The following PPP1R8 variants were observed in gnomAD, a reference collection of about 807,000 sequenced individuals.
PPP1R8 encodes nuclear inhibitor of protein phosphatase 1.
A neutral mutation model predicts 31.3 loss-of-function variants in PPP1R8; 4 were observed. The observed-to-expected ratio is 0.13, with a 90% confidence interval of 0.06 to 0.29. PPP1R8 has a LOEUF of 0.29. Ranked by LOEUF, PPP1R8 falls within the 10% of genes least tolerant of loss-of-function variation. The pLI is 1.00. For synonymous variants in PPP1R8, 170 were observed against 169.7 expected, an observed-to-expected ratio of 1.00 and a Z score of -0.01; for missense variants, 254 against 440.1, an observed-to-expected ratio of 0.58 and a Z score of 3.78.
At chr1:27,848,387 A>G (rs912149706) in intron 6 of PPP1R8, among the ~76,000 whole-genome samples, 1 of 152,174 alleles carries the variant, frequency 6.6e-6, no homozygotes, top group African/African-American at 2.4e-5. Context: ...CCTGGTCGTC[A>G]GCGAGACTCC....
chr1:27,846,104 C>A (rs1055743580), intron 5 of PPP1R8, among the ~76,000 whole-genome samples: 5 of 152,058 alleles, frequency 3.3e-5, no homozygotes, highest in Non-Finnish European at 7.4e-5. Flanking sequence ...GTGTTTCTTT[C>A]AATAACAAGC....
At chr1:27,844,254 C>G (rs965376327) in intron 5 of PPP1R8, among the ~76,000 whole-genome samples, 5 of 152,220 alleles carry the variant, frequency 3.3e-5, no homozygotes, top group Admixed American at 3.3e-4. Flanking sequence ...CCTCCTGCCT[C>G]AGTCTCCCAA....
intron 5 of PPP1R8, among the ~76,000 whole-genome samples, chr1:27,844,732 CAG>C (rs1401005866): frequency 1.1e-5 from 1 of 94,340 alleles, no homozygotes; most frequent in African/African-American, 4.8e-5. Context: ...TTTTTTGAGA[CAG>C]AGTCTCGCTC....
At position 27,845,479 on chromosome 1, in the gene PPP1R8, A is replaced by G. The variant is rs573206214; in HGVS notation, c.638-1549A>G. Among the ~76,000 whole-genome samples the G allele has an allele frequency of 2.0e-5, 3 of 152,086 alleles. No individual in the cohort carries two copies. In the East Asian group the frequency reaches 5.8e-4, roughly 30 times the overall value. On this transcript the variant is annotated intron_variant, in intron 5 of 6. Coordinates refer to ENST00000311772, the MANE Select transcript of PPP1R8 (RefSeq NM_014110.5). Reference sequence around the variant, plus strand: ...AGTATAGCATAGTGGTTAAGAGCACAGGCTCTGAAACCGGAGGGGCCATGA... The same window carrying G: ...AGTATAGCATAGTGGTTAAGAGCACGGGCTCTGAAACCGGAGGGGCCATGA...
chr1:27,839,060 G>C (rs2089197593), intron 3 of PPP1R8, among the ~76,000 whole-genome samples: 2 of 152,122 alleles, frequency 1.3e-5, no homozygotes, highest in Non-Finnish European at 2.9e-5. Flanking sequence ...CACTGTCCTG[G>C]AGGAATCAAT....
intron 6 of PPP1R8, among the ~76,000 whole-genome samples, chr1:27,848,640 G>A (rs527624332): frequency 3.6e-4 from 55 of 152,288 alleles, no homozygotes; most frequent in African/African-American, 1.3e-3. Context: ...ATTAGACTAA[G>A]TAAGATCTGT....
At chr1:27,847,304 C>T (rs1189676282) in intron 6 of PPP1R8, among the ~76,000 whole-genome samples, 1 of 151,990 alleles carries the variant, frequency 6.6e-6, no homozygotes, top group African/African-American at 2.4e-5. Flanking sequence ...GTCAGGAGTT[C>T]GAGACCAACC....
chr1:27,851,295 G>C lies in PPP1R8; in HGVS notation c.*849G>C, dbSNP rs1057158387. ...GTTTGGAAGTAACTGGTGTCTCTAA[G>C]AGGAATTTTTAGATGTCAGTTTGGA... On this transcript the variant is annotated 3_prime_UTR_variant, in exon 7 of 7. Transcript: ENST00000311772. The C allele has an allele frequency of 3.1e-6, 1 of 323,400 alleles. No homozygotes were observed. Among genetic ancestry groups the C allele is most frequent in the Non-Finnish European group, 6.2e-6 (1 of 162,532 alleles). The allele number at this position is 323,400 out of a possible 1,614,324, so 20.0% of individuals were successfully genotyped here. A position where few individuals can be genotyped will look rare whatever the true frequency, so the allele number is the denominator to read the frequency against.
At chr1:27,848,380 G>A (rs2089306788) in intron 6 of PPP1R8, among the ~76,000 whole-genome samples, 1 of 152,138 alleles carries the variant, frequency 6.6e-6, no homozygotes, top group Non-Finnish European at 1.5e-5. Context: ...ACTCCAGCCT[G>A]GTCGTCAGCG....
intron 2 of PPP1R8, among the ~76,000 whole-genome samples, chr1:27,837,566 G>A (rs1417848471): frequency 6.6e-6 from 1 of 150,882 alleles, no homozygotes; most frequent in Non-Finnish European, 1.5e-5. Flanking sequence ...AGATCACGAG[G>A]TCAGGAGAAC....
In PPP1R8 at chr1:27,845,783, CTTTTTTTTTTTTTTT is replaced by C. The variant is rs773994854; in HGVS notation, c.638-1235_638-1221del. On this transcript the variant is annotated intron_variant, in intron 5 of 6. Transcript: ENST00000311772. ...GGAGTTTTTCTTTCTTTCTTTCTTT[CTTTTTTTTTTTTTTT>C]TTTTTTTTTGAGACGGAGTCTCCTT... 3.3e-5 allele frequency among the ~76,000 whole-genome samples: 3 copies of C among 91,834 alleles called. No individual in the cohort carries two copies. In the Admixed American group the frequency reaches 3.8e-4, roughly 12 times the overall value. The allele number at this position is 91,834 out of a possible 152,430, so 60.2% of individuals were successfully genotyped here.
chr1:27,844,584 C>T (rs1459033272), intron 5 of PPP1R8, among the ~76,000 whole-genome samples: 1 of 151,974 alleles, frequency 6.6e-6, no homozygotes, highest in Non-Finnish European at 1.5e-5. Flanking sequence ...CCCTCAACCT[C>T]CCAAAGTGCT....
chr1:27,843,729 G>A (rs551385971), intron 5 of PPP1R8, among the ~76,000 whole-genome samples: 1 of 152,120 alleles, frequency 6.6e-6, no homozygotes, highest in African/African-American at 2.4e-5. Context: ...GAAGTTGGTG[G>A]ATTGCTTGAG....
chr1:27,842,796 C>A (rs907165057), intron 4 of PPP1R8, among the ~76,000 whole-genome samples: 1 of 152,158 alleles, frequency 6.6e-6, no homozygotes, highest in African/African-American at 2.4e-5. Flanking sequence ...AAAAACAATT[C>A]TTGGCGTTCC....
intron 6 of PPP1R8, among the ~76,000 whole-genome samples, chr1:27,848,321 C>T (rs1455957087): frequency 3.3e-5 from 5 of 152,090 alleles, no homozygotes; most frequent in Non-Finnish European, 7.4e-5. Flanking sequence ...AGGAGAATGG[C>T]GTGAACCCGG....
At chr1:27,833,300 A>G (rs1291498680) in intron 2 of PPP1R8, among the ~76,000 whole-genome samples, 3 of 152,240 alleles carry the variant, frequency 2.0e-5, no homozygotes, top group Admixed American at 6.5e-5. Context: ...GATTCTTTCA[A>G]AACATGTATT....
chr1:27,846,338 T>C lies in PPP1R8; in HGVS notation c.638-690T>C, dbSNP rs763262396. Among the ~76,000 whole-genome samples the C allele has an allele frequency of 2.6e-5, 4 of 152,242 alleles. No homozygotes were observed. In the South Asian group the frequency reaches 6.2e-4, roughly 24 times the overall value. The stretch of plus-strand genomic sequence containing the variant: ...GTGCTCCAGAAACACTGTTGTGCAC[T>C]TCTCTTGAAGCACCTCTGTGTTGTA... On this transcript the variant is annotated intron_variant, in intron 5 of 6. Coordinates refer to ENST00000311772, the MANE Select transcript of PPP1R8 (RefSeq NM_014110.5).
intron 6 of PPP1R8, among the ~76,000 whole-genome samples, chr1:27,847,645 C>T (rs1042155333): frequency 6.6e-6 from 1 of 151,896 alleles, no homozygotes; most frequent in Non-Finnish European, 1.5e-5. Context: ...GTGGGAGAAT[C>T]GCTGGAACCG....
intron 3 of PPP1R8, among the ~76,000 whole-genome samples, 167 bp from the exon 4 acceptor site, chr1:27,840,847 G>A (rs1296829773): frequency 6.6e-6 from 1 of 152,166 alleles, no homozygotes; most frequent in African/African-American, 2.4e-5. Context: ...TTCTGACCAT[G>A]ATCCTGACTA....
Sources: allele counts gnomAD v4.1 joint callset (sites outside exome capture counted in the v4.1 genomes callset), GRCh38; gene constraint gnomAD v4.1.1; transcripts MANE v1.5; gene names NCBI Gene and HGNC (gene_info 2026-07-23, HGNC 2026-07-21).